ZDHHC21: variants seen among roughly 807,000 people sequenced by gnomAD.
ZDHHC21 encodes palmitoyltransferase ZDHHC21.
ZDHHC21 carries 15 observed loss-of-function variants against 34.6 expected under a neutral mutation model. The observed-to-expected ratio is 0.43, with a 90% CI of 0.29 to 0.67. The LOEUF (loss-of-function observed/expected upper bound fraction) is 0.67, where lower values mean the gene tolerates loss of function less well. Among genes scored for constraint, ZDHHC21 ranks in the 30% least tolerant of loss-of-function variants. The pLI is 0.14. For synonymous variants in ZDHHC21, 142 were observed against 101.8 expected (o/e 1.40, Z -2.38); for missense variants, 344 against 327.7 (o/e 1.05, Z -0.38).
At chr9:14,681,165 T>A (rs893993548) in intron 2 of ZDHHC21, among the ~76,000 whole-genome samples, 2 of 152,170 alleles carry the variant, frequency 1.3e-5, no homozygotes, top group African/African-American at 4.8e-5. Flanking sequence ...CTAAAAAAGT[T>A]TAAGGAAGTG....
chr9:14,647,916 T>A (rs1299522341), intron 7 of ZDHHC21, among the ~76,000 whole-genome samples: 1 of 152,152 alleles, frequency 6.6e-6, no homozygotes, highest in Non-Finnish European at 1.5e-5. Context: ...TTTATCTAGC[T>A]CAGACCACCC....
rs1051971156 is a variant in ZDHHC21 at position 14,643,116 on chromosome 9, G to A, written c.505-3104C>T. ...AAATAAAATAGCAGGGTACGGTGGT[G>A]CATGCCTATAATCACAGCTACTAGG... On this transcript the variant is annotated intron_variant, in intron 7 of 9. Transcript: ENST00000380916. Among the ~76,000 whole-genome samples, 5 of 152,098 alleles carry A rather than the reference G, an allele frequency of 3.3e-5. No individual in the cohort carries two copies. The East Asian group carries it at 5.8e-4, about 18-fold the overall frequency.
At chr9:14,622,060 C>T (rs1825402987) in intron 8 of ZDHHC21, among the ~76,000 whole-genome samples, 1 of 151,924 alleles carries the variant, frequency 6.6e-6, no homozygotes, top group Non-Finnish European at 1.5e-5. Flanking sequence ...TTCACTTGTC[C>T]AGGAATGATA....
intron 8 of ZDHHC21, among the ~76,000 whole-genome samples, chr9:14,626,788 G>A (rs1826310277): frequency 6.6e-6 from 1 of 151,712 alleles, no homozygotes; most frequent in Non-Finnish European, 1.5e-5. Context: ...TTTACTATAT[G>A]ACATTAAAAG....
At chr9:14,681,627 G>T (rs897351408) in intron 2 of ZDHHC21, among the ~76,000 whole-genome samples, 4 of 152,026 alleles carry the variant, frequency 2.6e-5, no homozygotes, top group Non-Finnish European at 5.9e-5. Flanking sequence ...ATAAAGCACT[G>T]ACATTGACTA....
intron 7 of ZDHHC21, among the ~76,000 whole-genome samples, chr9:14,655,340 C>T (rs189252384): frequency 2.6e-5 from 4 of 151,990 alleles, no homozygotes; most frequent in Admixed American, 6.6e-5. Context: ...AAGAGACTTG[C>T]ACTAAAAGCA....
intron 6 of ZDHHC21, among the ~76,000 whole-genome samples, chr9:14,660,012 T>A (rs1354160302): frequency 2.0e-5 from 3 of 152,190 alleles, no homozygotes; most frequent in Non-Finnish European, 4.4e-5. Flanking sequence ...AGAACAGCTT[T>A]AAGAAGCACT....
chr9:14,603,025 C>T, the ZDHHC21 span, among the ~76,000 whole-genome samples: 4 of 150,474 alleles, frequency 2.7e-5, no homozygotes, highest in East Asian at 5.9e-4. Context: ...AACAGGTCCG[C>T]GTTTCCTGGA....
chr9:14,674,121 TAC>T (rs1181929770), intron 4 of ZDHHC21, 64 bp downstream of exon 4: 3 of 1,148,530 alleles, frequency 2.6e-6, no homozygotes, highest in Non-Finnish European at 3.5e-6. Context: ...ATAGTGGCAC[TAC>T]ACCCCAAAAA....
intron 8 of ZDHHC21, among the ~76,000 whole-genome samples, chr9:14,635,842 T>C (rs990508895): frequency 1.3e-5 from 2 of 152,080 alleles, no homozygotes; most frequent in South Asian, 2.1e-4. Flanking sequence ...GCCTAGGCAA[T>C]AGAGCAAGAC....
chr9:14,598,644 AATG>A, the ZDHHC21 span, among the ~76,000 whole-genome samples: 1 of 152,232 alleles, frequency 6.6e-6, no homozygotes, highest in South Asian at 2.1e-4. Context: ...AAAAATGCAG[AATG>A]ATATTTAAAA....
chr9:14,650,047 T>C (rs944619184), intron 7 of ZDHHC21, among the ~76,000 whole-genome samples: 1 of 152,078 alleles, frequency 6.6e-6, no homozygotes. Context: ...TTAATATTTA[T>C]AACTGACTAT....
chr9:14,636,452 G>C (rs1402805078), intron 8 of ZDHHC21, among the ~76,000 whole-genome samples: 1 of 152,144 alleles, frequency 6.6e-6, no homozygotes, highest in Non-Finnish European at 1.5e-5. Flanking sequence ...CTCTAATACA[G>C]TAATAGTTGA....
At position 14,630,799 on chromosome 9, in the gene ZDHHC21, A is replaced by C. The variant is rs143306684; in HGVS notation, c.621+9097T>G. On this transcript the variant is annotated intron_variant, in intron 8 of 9. Transcript: ENST00000380916. ...TGAGTGACTTGATGCATTGTCAATGAGCAGTAATATTACGAAAGGAACTTT... is the reference window on the plus strand; with the variant it reads ...TGAGTGACTTGATGCATTGTCAATGCGCAGTAATATTACGAAAGGAACTTT... Among the ~76,000 whole-genome samples the C allele has an allele frequency of 6.6e-5, 10 of 152,350 alleles. No individual in the cohort carries two copies. The East Asian group carries it at 1.9e-3, about 29-fold the overall frequency.
At chr9:14,656,013 T>A (rs891923719) in intron 7 of ZDHHC21, among the ~76,000 whole-genome samples, 1 of 151,518 alleles carries the variant, frequency 6.6e-6, no homozygotes, top group Non-Finnish European at 1.5e-5. Context: ...GAAAAAAAAT[T>A]TGAAGGCAAG....
At chr9:14,619,930 G>C (rs747940121) in intron 8 of ZDHHC21, among the ~76,000 whole-genome samples, 1 of 150,464 alleles carries the variant, frequency 6.6e-6, no homozygotes, top group Admixed American at 6.6e-5. Context: ...AATTATGACA[G>C]TATCACTTCA....
intron 2 of ZDHHC21, among the ~76,000 whole-genome samples, chr9:14,689,975 C>T (rs756899902): frequency 2.6e-5 from 4 of 152,056 alleles, no homozygotes; most frequent in African/African-American, 4.8e-5. Flanking sequence ...CAAAAGGTCT[C>T]TGTGGGAATT....
chr9:14,689,345 G>A (rs749121519), intron 2 of ZDHHC21, among the ~76,000 whole-genome samples: 11 of 152,238 alleles, frequency 7.2e-5, no homozygotes, highest in Non-Finnish European at 1.5e-4. Flanking sequence ...CTTGATCTCA[G>A]AAGCTAATAA....
chr9:14,664,095 T>C (rs1448149672), intron 5 of ZDHHC21, among the ~76,000 whole-genome samples: 1 of 152,006 alleles, frequency 6.6e-6, no homozygotes, highest in East Asian at 2.0e-4. Context: ...CCATCTGAGG[T>C]ACCGGGTTCA....
Sources: allele counts gnomAD v4.1 joint callset (sites outside exome capture counted in the v4.1 genomes callset), GRCh38; gene constraint gnomAD v4.1.1; transcripts MANE v1.5; gene names NCBI Gene and HGNC (gene_info 2026-07-23, HGNC 2026-07-21).